Variants in JAKMIP3 observed in about 807,000 individuals in gnomAD.
The protein encoded by JAKMIP3 is janus kinase and microtubule-interacting protein 3.
A neutral mutation model predicts 118.5 loss-of-function variants in JAKMIP3; 58 were observed. That is an observed-to-expected ratio of 0.49 (90% CI 0.40 to 0.61). The LOEUF is 0.61. Among genes scored for constraint, JAKMIP3 ranks in the 20% least tolerant of loss-of-function variants. The pLI is 0.00. For synonymous variants in JAKMIP3, 486 were observed against 451.2 expected (o/e 1.08, Z -0.98); for missense variants, 950 against 1,109.0 (o/e 0.86, Z 2.04).
intron 1 of JAKMIP3, among the ~76,000 whole-genome samples, chr10:132,076,194 G>A (rs978380093): frequency 4.7e-5 from 7 of 148,288 alleles, no homozygotes; most frequent in East Asian, 4.2e-4. Flanking sequence ...TGACAGCCAC[G>A]CATCTCCCTT....
At chr10:132,176,189 G>C (rs1004192748) in intron 23 of JAKMIP3, among the ~76,000 whole-genome samples, 1 of 152,252 alleles carries the variant, frequency 6.6e-6, no homozygotes, top group African/African-American at 2.4e-5. Flanking sequence ...AAGAGGGAAC[G>C]GGGAGGGACT....
At chr10:132,153,300 C>T (rs2056550705) in intron 17 of JAKMIP3, among the ~76,000 whole-genome samples, 1 of 152,224 alleles carries the variant, frequency 6.6e-6, no homozygotes, top group African/African-American at 2.4e-5. Context: ...CTGCAGGCAG[C>T]GTTCTCTGTT....
chr10:132,146,949 C>T (rs922048730), intron 13 of JAKMIP3, among the ~76,000 whole-genome samples: 13 of 152,112 alleles, frequency 8.5e-5, no homozygotes, highest in East Asian at 3.9e-4. Flanking sequence ...TAAATGCCTG[C>T]GTGCACACTT....
intron 23 of JAKMIP3, among the ~76,000 whole-genome samples, chr10:132,180,572 T>C (rs866435571): frequency 0.055 from 1,610 of 29,368 alleles, 364 homozygotes; most frequent in East Asian, 0.16. Flanking sequence ...TGTGTGCGTG[T>C]GTGTGTGCGT....
chr10:132,100,998 C>T (rs1175345944), intron 1 of JAKMIP3, among the ~76,000 whole-genome samples: 3 of 152,236 alleles, frequency 2.0e-5, no homozygotes, highest in Admixed American at 6.5e-5. Flanking sequence ...ATATAGTTAC[C>T]GTATCAGTTC....
intron 6 of JAKMIP3, 41 bp downstream of exon 6, chr10:132,136,117 G>C: frequency 6.2e-7 from 1 of 1,604,004 alleles, no homozygotes; most frequent in Non-Finnish European, 8.5e-7. Context: ...GGTCGCACCC[G>C]AGCTCCAGGC....
chr10:132,053,098 C>T (rs1226123866), intron 1 of JAKMIP3, among the ~76,000 whole-genome samples: 1 of 152,126 alleles, frequency 6.6e-6, no homozygotes, highest in Admixed American at 6.5e-5. Flanking sequence ...CAATGTGCCT[C>T]CCCCAGAGAG....
At chr10:132,178,277 C>T (rs777273622) in intron 23 of JAKMIP3, among the ~76,000 whole-genome samples, 1 of 152,158 alleles carries the variant, frequency 6.6e-6, no homozygotes, top group South Asian at 2.1e-4. Flanking sequence ...ACCTCAGAGG[C>T]GGCCCTGGGC....
chr10:132,059,866 G>A (rs958429938), upstream of JAKMIP3, among the ~76,000 whole-genome samples: 2 of 152,252 alleles, frequency 1.3e-5, no homozygotes, highest in African/African-American at 4.8e-5. Context: ...GGGACTGAGA[G>A]AGAAAGAGGG....
At chr10:132,053,821 T>C (rs528107204) in intron 1 of JAKMIP3, among the ~76,000 whole-genome samples, 1 of 151,824 alleles carries the variant, frequency 6.6e-6, no homozygotes, top group Admixed American at 6.6e-5. Context: ...GATCACGAGG[T>C]CAGGAGATCG....
chr10:132,041,016 T>C (rs1191042927), intron 1 of JAKMIP3, among the ~76,000 whole-genome samples: 1 of 152,182 alleles, frequency 6.6e-6, no homozygotes, highest in Non-Finnish European at 1.5e-5. Flanking sequence ...GAAGCACCTG[T>C]GTCTCGCGGC....
chr10:132,153,657 G>A (rs1393863273), intron 17 of JAKMIP3, 102 bp from the exon 18 acceptor site: 4 of 1,132,156 alleles, frequency 3.5e-6, no homozygotes, highest in East Asian at 2.4e-5. Context: ...AGGAGAAGAG[G>A]AAGGAAGACC....
chr10:132,102,100 C>G (rs1354608868), intron 1 of JAKMIP3, among the ~76,000 whole-genome samples: 2 of 152,128 alleles, frequency 1.3e-5, no homozygotes, highest in East Asian at 3.9e-4. Flanking sequence ...AACCTCCTGT[C>G]CCATCTCTAG....
chr10:132,069,458 C>T (rs1336460106), intron 1 of JAKMIP3, among the ~76,000 whole-genome samples: 1 of 152,112 alleles, frequency 6.6e-6, no homozygotes, highest in Non-Finnish European at 1.5e-5. Context: ...ACCAGGGACC[C>T]CCCAGACAAC....
At chr10:132,083,806 TTTTG>T (rs1249544129) in intron 1 of JAKMIP3, among the ~76,000 whole-genome samples, 1 of 152,106 alleles carries the variant, frequency 6.6e-6, no homozygotes, top group African/African-American at 2.4e-5. Flanking sequence ...TCCACTTTGT[TTTTG>T]TTTGTTTTGT....
chr10:132,180,772 T>TGTGTGCGTGTGC (rs1554963485), intron 23 of JAKMIP3, among the ~76,000 whole-genome samples: 2 of 63,688 alleles, frequency 3.1e-5, no homozygotes, highest in Admixed American at 2.8e-4. Context: ...TGTGTGTGCG[T>TGTGTGCGTGTGC]GTGTGTGTGT....
intron 11 of JAKMIP3, among the ~76,000 whole-genome samples, chr10:132,143,229 C>A (rs2053926856): frequency 6.6e-6 from 1 of 152,118 alleles, no homozygotes; most frequent in Non-Finnish European, 1.5e-5. Flanking sequence ...TTAAATATCG[C>A]CTCTTTCACT....
Position 132,117,319 on chromosome 10 carries a change from C to A in JAKMIP3, c.378C>A (p.Gly126=), listed in dbSNP as rs368486466. 6.2e-7 allele frequency: 1 copy of A among 1,613,956 alleles called. No homozygotes were observed. Among genetic ancestry groups the A allele is most frequent in the Admixed American group, 1.7e-5 (1 of 60,020 alleles). The change falls in exon 3 of 24, where the codon GGC becomes GGA. Residue 126 remains glycine, a synonymous_variant. Coordinates refer to ENST00000684848, the MANE Select transcript of JAKMIP3 (RefSeq NM_001323087.2). The surrounding 1 kb of genome is among the most constrained non-coding windows in gnomAD (Gnocchi z 8.6). ...CACTGCTCAGTGCCCTGCGTGATGGCGGCCCCGAAAAGGTCAAGACCGTGC... is the reference window on the plus strand; with the variant it reads ...CACTGCTCAGTGCCCTGCGTGATGGAGGCCCCGAAAAGGTCAAGACCGTGC... ...LQALLSALRD[G]GPEKVKTVLL... is the part of the protein sequence containing the mutation.
At chr10:132,107,065 TTA>T (rs1444492191) in intron 2 of JAKMIP3, among the ~76,000 whole-genome samples, 3,034 of 95,008 alleles carry the variant, frequency 0.032, 91 homozygotes, top group African/African-American at 0.13. Flanking sequence ...TTTTTTTTTT[TTA>T]ACTTTTTTGT....
Sources: allele counts gnomAD v4.1 joint callset (sites outside exome capture counted in the v4.1 genomes callset), GRCh38; gene constraint gnomAD v4.1.1; non-coding constraint Gnocchi (gnomAD v3.1); transcripts MANE v1.5; gene names NCBI Gene and HGNC (gene_info 2026-07-23, HGNC 2026-07-21).